CSMD1: variants seen among roughly 807,000 people sequenced by gnomAD.
CSMD1 encodes CUB and Sushi multiple domains 1, also known as CUB and sushi domain-containing protein 1.
A neutral mutation model predicts 417.5 loss-of-function variants in CSMD1; 213 were observed. The observed-to-expected ratio is 0.51, with a 90% CI of 0.46 to 0.57. The LOEUF (loss-of-function observed/expected upper bound fraction) is 0.57, where lower values mean the gene tolerates loss of function less well. Among genes scored for constraint, CSMD1 ranks in the 20% least tolerant of loss-of-function variants. The pLI is 0.00. For synonymous variants in CSMD1, 2,862 were observed against 1,736.8 expected, an observed-to-expected ratio of 1.65 and a Z score of -16.11; for missense variants, 6,923 against 4,529.7, an observed-to-expected ratio of 1.53 and a Z score of -15.17.
rs189348396 is a variant in CSMD1 at position 3,681,793 on chromosome 8, C to T, written c.1009+26621G>A. Among the ~76,000 whole-genome samples, 249 of 152,292 alleles carry T rather than the reference C, an allele frequency of 1.6e-3. 4 individuals are homozygous for T. The East Asian group carries it at 0.031, about 19-fold the overall frequency. Reference sequence around the variant, plus strand: ...TCACACTACCTGACTTTAAACTATACTACAAGGCTACAGTAACCCAAACAG... The same window carrying T: ...TCACACTACCTGACTTTAAACTATATTACAAGGCTACAGTAACCCAAACAG... On this transcript the variant is annotated intron_variant, in intron 7 of 69. Transcript: ENST00000635120.
intron 54 of CSMD1, among the ~76,000 whole-genome samples, chr8:2,981,957 G>C (rs1463938116): frequency 6.6e-6 from 1 of 152,078 alleles, no homozygotes; most frequent in African/African-American, 2.4e-5. Context: ...GGAAATCTTA[G>C]CCCTCGATAG....
chr8:4,049,881 C>T (rs1798333849), intron 3 of CSMD1, among the ~76,000 whole-genome samples: 1 of 148,390 alleles, frequency 6.7e-6, no homozygotes, highest in Non-Finnish European at 1.5e-5. Flanking sequence ...ATTATCTTAG[C>T]TTTTAAGTAA....
chr8:3,590,045 A>G (rs1800780360), intron 8 of CSMD1, among the ~76,000 whole-genome samples: 2 of 152,178 alleles, frequency 1.3e-5, no homozygotes, highest in African/African-American at 4.8e-5. Context: ...ATTTGAAAGA[A>G]TGCAACATCG....
At chr8:4,018,858 A>T (rs145557444) in intron 4 of CSMD1, among the ~76,000 whole-genome samples, 2 of 152,190 alleles carry the variant, frequency 1.3e-5, no homozygotes, top group Non-Finnish European at 2.9e-5. Flanking sequence ...TCTGTGATGG[A>T]GTCTCATCTA....
At chr8:4,169,830 T>A (rs527871151) in intron 3 of CSMD1, among the ~76,000 whole-genome samples, 7 of 152,284 alleles carry the variant, frequency 4.6e-5, no homozygotes, top group African/African-American at 1.7e-4. Flanking sequence ...CTGCCCTTCC[T>A]GAATTATTTC....
intron 1 of CSMD1, among the ~76,000 whole-genome samples, chr8:4,885,090 A>C (rs189102453): frequency 6.6e-6 from 1 of 152,228 alleles, no homozygotes; most frequent in Non-Finnish European, 1.5e-5. Context: ...TTCTTTTAGA[A>C]GCTACTGTAA....
intron 2 of CSMD1, among the ~76,000 whole-genome samples, chr8:4,568,108 T>G (rs768186857): frequency 6.6e-6 from 1 of 152,210 alleles, no homozygotes; most frequent in Non-Finnish European, 1.5e-5. Flanking sequence ...ATACTCATAT[T>G]CAAAAGCACA....
At chr8:3,809,642 T>A (rs559388061) in intron 5 of CSMD1, among the ~76,000 whole-genome samples, 231 of 152,250 alleles carry the variant, frequency 1.5e-3, no homozygotes, top group African/African-American at 5.3e-3. Context: ...CGGCTAAGAA[T>A]TCTCATTCTA....
intron 9 of CSMD1, among the ~76,000 whole-genome samples, chr8:3,582,565 T>A (rs1244334553): frequency 3.9e-5 from 6 of 152,200 alleles, no homozygotes; most frequent in African/African-American, 1.4e-4. Flanking sequence ...ACTGTAAATG[T>A]CTAAACTTGC....
intron 1 of CSMD1, among the ~76,000 whole-genome samples, chr8:4,693,834 G>T (rs1016490416): frequency 3.2e-4 from 8 of 25,228 alleles, no homozygotes; most frequent in African/African-American, 3.0e-3. Flanking sequence ...GCACCTCCAT[G>T]CCTGGCCAGG....
At chr8:4,415,081 G>C (rs1198082915) in intron 3 of CSMD1, among the ~76,000 whole-genome samples, 4 of 152,050 alleles carry the variant, frequency 2.6e-5, no homozygotes, top group Non-Finnish European at 5.9e-5. Context: ...TTTTGCAAAG[G>C]ATCTCACGGA....
intron 3 of CSMD1, among the ~76,000 whole-genome samples, chr8:4,112,329 G>T (rs1470973182): frequency 6.6e-6 from 1 of 152,136 alleles, no homozygotes; most frequent in South Asian, 2.1e-4. Context: ...CCTGGCAACG[G>T]ACACAGGCCT....
chr8:3,819,914 G>C (rs917392282), intron 5 of CSMD1, among the ~76,000 whole-genome samples: 1 of 152,136 alleles, frequency 6.6e-6, no homozygotes, highest in African/African-American at 2.4e-5. Flanking sequence ...AGGCAGACTG[G>C]ACAAGACACG....
intron 26 of CSMD1, among the ~76,000 whole-genome samples, chr8:3,269,194 C>T (rs1351421139): frequency 6.6e-6 from 1 of 152,236 alleles, no homozygotes; most frequent in African/African-American, 2.4e-5. Flanking sequence ...GTCCACGGGA[C>T]GGAAAGCTGA....
intron 3 of CSMD1, among the ~76,000 whole-genome samples, chr8:4,181,988 G>T (rs1360914443): frequency 6.7e-6 from 1 of 149,402 alleles, no homozygotes; most frequent in East Asian, 2.0e-4. Context: ...TGTGTGTAAT[G>T]TTTACATTTT....
At chr8:4,010,857 T>G (rs911639563) in intron 4 of CSMD1, among the ~76,000 whole-genome samples, 11 of 152,290 alleles carry the variant, frequency 7.2e-5, no homozygotes, top group African/African-American at 2.4e-4. Context: ...TCCTTGCAGG[T>G]AAAACAGCTG....
chr8:3,722,916 T>TGG (rs1315547579), intron 6 of CSMD1, among the ~76,000 whole-genome samples: 1 of 151,762 alleles, frequency 6.6e-6, no homozygotes, highest in Non-Finnish European at 1.5e-5. Flanking sequence ...CAAACTATTG[T>TGG]GTGTGTGCCA....
intron 6 of CSMD1, among the ~76,000 whole-genome samples, chr8:3,752,380 T>A (rs1484647546): frequency 6.6e-6 from 1 of 151,970 alleles, no homozygotes; most frequent in Non-Finnish European, 1.5e-5. Flanking sequence ...TGGCGCTGGG[T>A]ACGGTGGCTC....
chr8:4,436,932 G>C (rs1362396586), intron 2 of CSMD1, among the ~76,000 whole-genome samples: 1 of 152,094 alleles, frequency 6.6e-6, no homozygotes, highest in African/African-American at 2.4e-5. Context: ...TGGACACTGA[G>C]GTTGCTTCCA....
Sources: allele counts gnomAD v4.1 joint callset (sites outside exome capture counted in the v4.1 genomes callset), GRCh38; gene constraint gnomAD v4.1.1; transcripts MANE v1.5; gene names NCBI Gene and HGNC (gene_info 2026-07-23, HGNC 2026-07-21).